The following HIVEP1 variants were observed in gnomAD, a reference collection of about 807,000 sequenced individuals.
HIVEP1 encodes HIVEP zinc finger 1, also known as zinc finger protein 40.
HIVEP1 carries 36 observed loss-of-function variants against 180.0 expected under a neutral mutation model. The ratio of observed to expected loss-of-function variants is 0.20; its 90% confidence interval spans 0.15 to 0.26. The LOEUF (loss-of-function observed/expected upper bound fraction) is 0.26. Among genes scored for constraint, HIVEP1 ranks in the 10% least tolerant of loss-of-function variants. The probability of loss-of-function intolerance (pLI) is 1.00; values close to 1 mark genes in which losing one functional copy is unlikely to be tolerated. For missense variants in HIVEP1, 3,143 were observed against 3,268.7 expected (o/e 0.96, Z 0.94); for synonymous variants, 1,239 against 1,239.0 (o/e 1.00, Z 0.00).
At chr6:12,203,352 A>G in the HIVEP1 span, among the ~76,000 whole-genome samples, 1 of 152,260 alleles carries the variant, frequency 6.6e-6, no homozygotes, top group Admixed American at 6.5e-5. Flanking sequence ...ACGGTTACCC[A>G]TTAACACTGG....
intron 2 of HIVEP1, among the ~76,000 whole-genome samples, chr6:12,086,791 AT>A (rs1379734307): frequency 1.3e-5 from 2 of 152,124 alleles, no homozygotes; most frequent in African/African-American, 4.8e-5. Flanking sequence ...ATTAGTTGAA[AT>A]GTAAAACTAT....
intron 7 of HIVEP1, among the ~76,000 whole-genome samples, chr6:12,159,375 T>C (rs1760261548): frequency 6.6e-6 from 1 of 150,824 alleles, no homozygotes; most frequent in African/African-American, 2.4e-5. Context: ...ATTTTACTTC[T>C]TTAAAGAAGA....
chr6:12,183,974 A>AAGATGAT, the HIVEP1 span, among the ~76,000 whole-genome samples: 16 of 134,880 alleles, frequency 1.2e-4, no homozygotes, highest in African/African-American at 3.8e-4. Context: ...TCACATTGTA[A>AAGATGAT]AGATAGATAG....
intron 2 of HIVEP1, among the ~76,000 whole-genome samples, chr6:12,047,400 G>A (rs1333338108): frequency 6.6e-6 from 1 of 152,204 alleles, no homozygotes; most frequent in Non-Finnish European, 1.5e-5. Context: ...GAAGTTGGAC[G>A]GTTGGCCAGT....
At chr6:12,066,398 A>G (rs1771585617) in intron 2 of HIVEP1, among the ~76,000 whole-genome samples, 2 of 152,220 alleles carry the variant, frequency 1.3e-5, no homozygotes, top group African/African-American at 4.8e-5. Flanking sequence ...TGTTTTCACC[A>G]TGATTTGTCT....
Position 12,122,403 on chromosome 6 carries a change from A to G in HIVEP1, c.2608A>G (p.Lys870Glu). Residue 870 changes from lysine (K) to glutamate (E), a missense_variant, in exon 4 of 9, where the codon AAA becomes GAA. Physicochemically the swap from Lys to Glu is moderately conservative, Grantham distance 56. Around this residue, in one of 12 missense-constraint regions of HIVEP1, gnomAD observed 204 missense variants for 243.7 expected, o/e 0.84. Coordinates refer to ENST00000379388, the MANE Select transcript of HIVEP1 (RefSeq NM_002114.4). The stretch of plus-strand genomic sequence containing the variant: ...AAGAGGAAGTCAGTCATTTGATGAC[A>G]AAATTGGCGCTTTCTATGATGATGT... The part of the protein sequence containing the change: ...PLRGSQSFDD[K>E]IGAFYDDVFV... The G allele has an allele frequency of 1.9e-6, 3 of 1,614,238 alleles. No homozygotes were observed. The highest frequency in any genetic ancestry group is 2.5e-6 in the Non-Finnish European group (3 of 1,180,028).
chr6:12,177,268 C>T, the HIVEP1 span, among the ~76,000 whole-genome samples: 70 of 152,202 alleles, frequency 4.6e-4, 1 homozygote, highest in African/African-American at 1.7e-3. Flanking sequence ...CCCTGTGACA[C>T]GAGTTTACCT....
chr6:12,211,966 T>C, the HIVEP1 span, among the ~76,000 whole-genome samples: 1 of 152,170 alleles, frequency 6.6e-6, no homozygotes, highest in Non-Finnish European at 1.5e-5. Flanking sequence ...AACCAATGCT[T>C]TCCTTGTTGG....
At chr6:12,015,801 C>A in intron 2 of HIVEP1, 133 bp downstream of exon 2, 1 of 722,246 alleles carries the variant, frequency 1.4e-6, no homozygotes. Context: ...TTGCTCATTT[C>A]CAGCAGTCCT....
intron 2 of HIVEP1, among the ~76,000 whole-genome samples, chr6:12,055,742 G>T (rs951914000): frequency 1.3e-5 from 2 of 152,144 alleles, no homozygotes; most frequent in African/African-American, 4.8e-5. Flanking sequence ...TCCTGGATTG[G>T]AATCATGAGA....
chr6:12,031,230 A>C (rs903163436), intron 2 of HIVEP1, among the ~76,000 whole-genome samples: 2 of 151,996 alleles, frequency 1.3e-5, no homozygotes, highest in Non-Finnish European at 2.9e-5. Context: ...CCTGGCTTTA[A>C]CTTTCAGCTG....
intron 3 of HIVEP1, among the ~76,000 whole-genome samples, chr6:12,116,167 A>T (rs1269298463): frequency 3.3e-5 from 5 of 152,104 alleles, no homozygotes; most frequent in African/African-American, 9.7e-5. Flanking sequence ...ATAAGAGGAC[A>T]AGAGAAAATA....
chr6:12,048,227 G>A (rs563048554), intron 2 of HIVEP1, among the ~76,000 whole-genome samples: 26 of 152,356 alleles, frequency 1.7e-4, no homozygotes, highest in African/African-American at 5.1e-4. Flanking sequence ...ATGGTGAAGC[G>A]TAAGGCCTTG....
rs1757890506 is a variant in HIVEP1, at chr6:12,124,045, G to A, written c.4250G>A (p.Gly1417Glu). 1 of 1,613,916 alleles carries A rather than the reference G, an allele frequency of 6.2e-7. No homozygotes were observed. The highest frequency in any genetic ancestry group is 1.3e-5 in the African/African-American group (1 of 74,890). Reference protein sequence around the residue: ...PSSPSRVGVTGHVPLLERRRG... With the variant: ...PSSPSRVGVTEHVPLLERRRG... Reference sequence around the variant, plus strand: ...TCACCTTCTCGAGTGGGAGTGACTGGGCATGTGCCTCTCTTAGAAAGAAGG... The same window carrying A: ...TCACCTTCTCGAGTGGGAGTGACTGAGCATGTGCCTCTCTTAGAAAGAAGG... The change falls in exon 4 of 9, where the codon GGG (glycine) becomes GAG (glutamate). Residue 1417 changes from glycine to glutamate, a missense_variant. This residue lies in a region of HIVEP1 where 1,357 missense variants were observed against 1,260.5 expected (regional missense o/e 1.08). Transcript: ENST00000379388.
chr6:12,157,361 T>C (rs1312337232), intron 7 of HIVEP1, among the ~76,000 whole-genome samples: 2 of 152,190 alleles, frequency 1.3e-5, no homozygotes, highest in African/African-American at 4.8e-5. Flanking sequence ...GCAACCGTTT[T>C]CTGTTTGTTT....
Position 12,125,493 on chromosome 6 carries a change from G to C in HIVEP1, c.5698G>C (p.Val1900Leu), listed in dbSNP as rs764643335. 7.4e-6 allele frequency: 12 copies of C among 1,614,062 alleles called. No individual in the cohort carries two copies. Among genetic ancestry groups the C allele is most frequent in the South Asian group, 2.2e-5 (2 of 91,076 alleles). The change falls in exon 4 of 9, where the codon GTT (valine) becomes CTT (leucine). Residue 1900 changes from valine to leucine, a missense_variant. Coordinates refer to ENST00000379388, the MANE Select transcript of HIVEP1 (RefSeq NM_002114.4). ...DNNQERKSPG[V>L]KNQGDKVNIQ... The stretch of plus-strand genomic sequence containing the variant: ...TAACCAAGAAAGGAAGTCTCCAGGG[G>C]TTAAAAATCAAGGTGACAAAGTGAA...
intron 7 of HIVEP1, among the ~76,000 whole-genome samples, chr6:12,155,737 T>A (rs913145912): frequency 6.6e-6 from 1 of 152,176 alleles, no homozygotes; most frequent in South Asian, 2.1e-4. Context: ...TATAGTAAAA[T>A]GATTTCTGTT....
chr6:12,144,531 G>T (rs1401013225), intron 7 of HIVEP1, among the ~76,000 whole-genome samples: 1 of 152,096 alleles, frequency 6.6e-6, no homozygotes, highest in East Asian at 1.9e-4. Flanking sequence ...TAGACAAATG[G>T]GATCTAATTA....
At chr6:12,105,053 T>C (rs1161529483) in intron 3 of HIVEP1, among the ~76,000 whole-genome samples, 1 of 152,214 alleles carries the variant, frequency 6.6e-6, no homozygotes, top group Admixed American at 6.5e-5. Flanking sequence ...TAGAAATGTT[T>C]TAAGCCTAAG....
Sources: gnomAD v4.1 joint callset for allele counts (sites outside exome capture counted in the v4.1 genomes callset) on GRCh38, gnomAD v4.1.1 for gene constraint, gnomAD v4.1.1 regional missense constraint, MANE v1.5 for transcripts, NCBI Gene and HGNC (gene_info 2026-07-23, HGNC 2026-07-21) for gene names.